GRAMD1A: variants seen among roughly 807,000 people sequenced by gnomAD.
The protein encoded by GRAMD1A is GRAM domain containing 1A.
Under a neutral mutation model 92.0 loss-of-function variants are expected in GRAMD1A, and 50 were observed. That is an observed-to-expected ratio of 0.54 (90% CI 0.43 to 0.69). GRAMD1A has a LOEUF of 0.69. Ranked by LOEUF, GRAMD1A falls within the 30% of genes least tolerant of loss-of-function variation. The pLI is 0.00. For synonymous variants in GRAMD1A, 405 were observed against 403.6 expected, an observed-to-expected ratio of 1.00 and a Z score of -0.04; for missense variants, 819 against 978.9, an observed-to-expected ratio of 0.84 and a Z score of 2.18.
chr19:35,018,100 G>C (rs986037965), intron 11 of GRAMD1A, among the ~76,000 whole-genome samples: 3 of 151,982 alleles, frequency 2.0e-5, no homozygotes, highest in African/African-American at 4.8e-5. Flanking sequence ...CCATTCTCCT[G>C]CCTCAGCCTC....
rs2015080809 is a variant in GRAMD1A, at chr19:35,009,715, G to A, written c.241-173G>A. The A allele has an allele frequency of 6.2e-6, 4 of 644,854 alleles. No homozygotes were observed. The Admixed American group carries it at 9.7e-5, about 16-fold the overall frequency. 39.9% of individuals were successfully genotyped at this position (644,854 alleles called of 1,614,324 possible). On this transcript the variant is annotated intron_variant, in intron 3 of 19. Coordinates refer to ENST00000317991, the MANE Select transcript of GRAMD1A (RefSeq NM_020895.5). ...GATGCTGGTGGGTGCTTGGTACGGG[G>A]CCCGGCTTACATAAGAAATCTGTAA...
chr19:35,010,600 C>T (rs1296270696), intron 6 of GRAMD1A: 12 of 599,908 alleles, frequency 2.0e-5, no homozygotes, highest in Non-Finnish European at 3.3e-5. Context: ...TGCTCAGGAA[C>T]AGCAGAAATA....
intron 9 of GRAMD1A, 66 bp from the exon 10 acceptor site, chr19:35,014,123 T>C (rs2015451500): frequency 8.5e-6 from 12 of 1,411,864 alleles, no homozygotes; most frequent in Non-Finnish European, 1.2e-5. Flanking sequence ...TTGTGGCCAG[T>C]GTGGACTTGG....
At chr19:35,007,677 G>A (rs959216116) in intron 1 of GRAMD1A, among the ~76,000 whole-genome samples, 1 of 151,966 alleles carries the variant, frequency 6.6e-6, no homozygotes, top group African/African-American at 2.4e-5. Flanking sequence ...GAACAGCCTG[G>A]GCAACATAGC....
intron 7 of GRAMD1A, among the ~76,000 whole-genome samples, chr19:35,012,397 A>G (rs1019017248): frequency 1.3e-5 from 2 of 152,272 alleles, no homozygotes; most frequent in African/African-American, 4.8e-5. Context: ...AGTGGTTAGA[A>G]GAATGCACCT....
chr19:35,008,827 A>G (rs1000325215), intron 1 of GRAMD1A, among the ~76,000 whole-genome samples: 3 of 152,150 alleles, frequency 2.0e-5, no homozygotes, highest in African/African-American at 7.2e-5. Flanking sequence ...AAAAATAAAT[A>G]AATAAAATAA....
rs1430486291 is a variant in GRAMD1A, at chr19:35,026,433, T to C, written c.*292T>C. On this transcript the variant is annotated 3_prime_UTR_variant, in exon 20 of 20. Transcript: ENST00000317991. ...TCTGGGTTTAATGTATTATATTTAT[T>C]TGGGGCCGACAGTGCCCCAATAAAG... 1.2e-5 allele frequency: 5 copies of C among 411,582 alleles called. No homozygotes were observed. The highest frequency in any genetic ancestry group is 9.6e-5 in the South Asian group (2 of 20,924). The allele number at this position is 411,582 out of a possible 1,614,324, so 25.5% of individuals were successfully genotyped here. A position where few individuals can be genotyped will look rare whatever the true frequency, so the allele number is the denominator to read the frequency against.
In GRAMD1A at chr19:35,013,450, G is replaced by A; in HGVS notation, c.719+82G>A. On this transcript the variant is annotated intron_variant, in intron 8 of 19. Coordinates refer to ENST00000317991, the MANE Select transcript of GRAMD1A (RefSeq NM_020895.5). This position sits in a 1 kb window ranked among gnomAD's most constrained non-coding sequence, Gnocchi z 4.9. ...TGCAGAGTTCCTGGAGTGCTGGGGGGCCTGAGATGGTTGTATGACGTCTGG... is the reference window on the plus strand; with the variant it reads ...TGCAGAGTTCCTGGAGTGCTGGGGGACCTGAGATGGTTGTATGACGTCTGG... 2.0e-6 allele frequency: 3 copies of A among 1,523,974 alleles called. No individual in the cohort carries two copies. Among genetic ancestry groups the A allele is most frequent in the East Asian group, 2.3e-5 (1 of 43,978 alleles). 94.4% of individuals were successfully genotyped at this position (1,523,974 alleles called of 1,614,324 possible).
In GRAMD1A at chr19:35,026,343, C is replaced by G; in HGVS notation, c.*202C>G. ...CTGGCCCGGCCTCTGGCAGGCCCCCCACTAACTTATTTTGCCCGGCTGAGG... is the reference window on the plus strand; with the variant it reads ...CTGGCCCGGCCTCTGGCAGGCCCCCGACTAACTTATTTTGCCCGGCTGAGG... On this transcript the variant is annotated 3_prime_UTR_variant, in exon 20 of 20. Coordinates refer to ENST00000317991, the MANE Select transcript of GRAMD1A (RefSeq NM_020895.5). 6 of 588,130 alleles carry G rather than the reference C, an allele frequency of 1.0e-5. No individual in the cohort carries two copies. The South Asian group carries it at 1.2e-4, about 12-fold the overall frequency. The allele number at this position is 588,130 out of a possible 1,614,324, so 36.4% of individuals were successfully genotyped here. A position where few individuals can be genotyped will look rare whatever the true frequency, so the allele number is the denominator to read the frequency against.
chr19:34,998,638 A>C (rs1457412978), upstream of GRAMD1A: 2 of 152,136 alleles, frequency 1.3e-5, no homozygotes, highest in Admixed American at 1.3e-4. Context: ...AACTAAAAGC[A>C]TTACACTAGA....
upstream of GRAMD1A, chr19:34,995,967 C>A: frequency 7.0e-7 from 1 of 1,424,350 alleles, no homozygotes; most frequent in Non-Finnish European, 9.4e-7. Context: ...GGAGCTCTAT[C>A]CCTCATCTCT....
rs192503278 is a variant in GRAMD1A at position 35,018,391 on chromosome 19, G to A, written c.1214-800G>A. On this transcript the variant is annotated intron_variant, in intron 11 of 19. Transcript: ENST00000317991. ...CCACACACTTAAATGACCAGATCTCGGAAGAACTCACTATCATGAAGACAG... is the reference window on the plus strand; with the variant it reads ...CCACACACTTAAATGACCAGATCTCAGAAGAACTCACTATCATGAAGACAG... 1.9e-4 allele frequency among the ~76,000 whole-genome samples: 29 copies of A among 152,250 alleles called. No individual in the cohort carries two copies. The East Asian group carries it at 2.1e-3, about 11-fold the overall frequency.
intron 11 of GRAMD1A, 88 bp downstream of exon 11, chr19:35,016,055 C>G: frequency 7.1e-7 from 1 of 1,408,244 alleles, no homozygotes; most frequent in Non-Finnish European, 9.7e-7. Flanking sequence ...GAAGGCACTG[C>G]TAGCCAGTGG....
chr19:35,019,801 T>C (rs2015918196), intron 13 of GRAMD1A, among the ~76,000 whole-genome samples: 1 of 152,164 alleles, frequency 6.6e-6, no homozygotes, highest in Admixed American at 6.5e-5. Flanking sequence ...GAGCTCATAT[T>C]CTAGTGGGGA....
At chr19:34,998,897 G>A (rs887235693), upstream of GRAMD1A, among the ~76,000 whole-genome samples, 2 of 151,258 alleles carry the variant, frequency 1.3e-5, no homozygotes, top group Non-Finnish European at 2.9e-5. Context: ...GAAGAACAGC[G>A]GGTAGGCTGG....
At chr19:34,997,435 A>T (rs1181436606), upstream of GRAMD1A, among the ~76,000 whole-genome samples, 1 of 151,908 alleles carries the variant, frequency 6.6e-6, no homozygotes, top group Non-Finnish European at 1.5e-5. Flanking sequence ...AAAAAAAGAA[A>T]GTTTAAACAA....
chr19:35,018,828 C>G (rs1256858340), intron 11 of GRAMD1A, among the ~76,000 whole-genome samples: 3 of 151,980 alleles, frequency 2.0e-5, no homozygotes, highest in Non-Finnish European at 4.4e-5. Context: ...GACCCTGGGC[C>G]ACCCCTGAGT....
At chr19:35,022,066 C>T in intron 16 of GRAMD1A, 28 bp downstream of exon 16, 1 of 1,549,952 alleles carries the variant, frequency 6.5e-7, no homozygotes, top group Non-Finnish European at 8.9e-7. Context: ...GCAGTGGCCA[C>T]ACAGGCCTGA....
At chr19:34,997,166 G>A (rs185982419), upstream of GRAMD1A, among the ~76,000 whole-genome samples, 3 of 151,860 alleles carry the variant, frequency 2.0e-5, no homozygotes, top group Non-Finnish European at 4.4e-5. Context: ...CACCCTCCTC[G>A]GCCTCCCAAA....
Sources: allele counts gnomAD v4.1 joint callset (sites outside exome capture counted in the v4.1 genomes callset), GRCh38; gene constraint gnomAD v4.1.1; non-coding constraint Gnocchi (gnomAD v3.1); transcripts MANE v1.5; gene names NCBI Gene and HGNC (gene_info 2026-07-23, HGNC 2026-07-21).